Variants in ZMYM4 observed in about 807,000 individuals in gnomAD.
ZMYM4 encodes zinc finger MYM-type protein 4.
Under a neutral mutation model 183.2 loss-of-function variants are expected in ZMYM4, and 31 were observed. That is an observed-to-expected ratio of 0.17 (90% CI 0.13 to 0.23). The LOEUF (loss-of-function observed/expected upper bound fraction) is 0.23, where lower values mean the gene tolerates loss of function less well. ZMYM4 is among the 10% of genes least tolerant of loss of function. ZMYM4 has a pLI of 1.00. For missense variants in ZMYM4, 1,273 were observed against 1,840.3 expected (o/e 0.69, Z 5.64); for synonymous variants, 592 against 631.2 (o/e 0.94, Z 0.93).
chr1:35,408,283 T>C, intron 26 of ZMYM4, 124 bp downstream of exon 26: 2 of 1,230,330 alleles, frequency 1.6e-6, no homozygotes, highest in Non-Finnish European at 1.1e-6. Context: ...GGAACATTGT[T>C]TTTAACAACA....
chr1:35,330,212 C>T (rs1355956495), intron 2 of ZMYM4, among the ~76,000 whole-genome samples: 1 of 102,956 alleles, frequency 9.7e-6, no homozygotes, highest in Non-Finnish European at 1.9e-5. Flanking sequence ...GACCCTGTCT[C>T]AAAATATAAA....
At chr1:35,417,359 C>A (rs896838869) in intron 28 of ZMYM4, among the ~76,000 whole-genome samples, 6 of 152,080 alleles carry the variant, frequency 3.9e-5, no homozygotes, top group Non-Finnish European at 8.8e-5. Context: ...CCCTGACTTC[C>A]TTATATAATG....
At chr1:35,276,149 G>A (rs572998264) in intron 1 of ZMYM4, among the ~76,000 whole-genome samples, 6 of 151,848 alleles carry the variant, frequency 4.0e-5, no homozygotes, top group Non-Finnish European at 7.4e-5. Flanking sequence ...TTCCCAATAT[G>A]TCTTACAAAT....
At position 35,313,990 on chromosome 1, in the gene ZMYM4, C is replaced by T. The variant is rs1166090005; in HGVS notation, c.40-11370C>T. Among the ~76,000 whole-genome samples the T allele has an allele frequency of 2.0e-5, 3 of 152,140 alleles. No individual in the cohort carries two copies. The East Asian group carries it at 5.8e-4, about 29-fold the overall frequency. ...TCTTAGTTCCTGAAAACTCACACCTCTGCTTAACTTTAGGTATCACTAATT... is the reference window on the plus strand; with the variant it reads ...TCTTAGTTCCTGAAAACTCACACCTTTGCTTAACTTTAGGTATCACTAATT... On this transcript the variant is annotated intron_variant, in intron 1 of 29. Transcript: ENST00000314607.
Position 35,392,628 on chromosome 1 carries a change from T to C in ZMYM4, c.2729-19T>C, listed in dbSNP as rs1644730919. The C allele has an allele frequency of 1.3e-6, 2 of 1,581,344 alleles. No homozygotes were observed. Among genetic ancestry groups the C allele is most frequent in the African/African-American group, 1.4e-5 (1 of 73,264 alleles). ...AATAATTGTAAAGATCCTAAATTTA[T>C]GTTTTAATTTATATCAAGGTGCAGT... is the stretch of plus-strand genomic sequence containing the variant. On this transcript the variant is annotated intron_variant, in intron 16 of 29. Coordinates refer to ENST00000314607, the MANE Select transcript of ZMYM4 (RefSeq NM_005095.3).
chr1:35,270,805 T>A (rs1213091599), intron 1 of ZMYM4, among the ~76,000 whole-genome samples: 1 of 152,026 alleles, frequency 6.6e-6, no homozygotes, highest in African/African-American at 2.4e-5. Context: ...AAAATTGCAT[T>A]CCACTTGTTT....
At chr1:35,318,932 G>C (rs1318448193) in intron 1 of ZMYM4, among the ~76,000 whole-genome samples, 1 of 152,148 alleles carries the variant, frequency 6.6e-6, no homozygotes, top group African/African-American at 2.4e-5. Context: ...TGTTGCCCAG[G>C]GTGGAGTGCA....
chr1:35,392,495 T>A, intron 16 of ZMYM4, 143 bp downstream of exon 16: 1 of 1,295,954 alleles, frequency 7.7e-7, no homozygotes, highest in Non-Finnish European at 1.1e-6. Flanking sequence ...GTTTCATATC[T>A]CATACTTTAG....
chr1:35,408,829 C>CTTAATAATA (rs1391417819), intron 26 of ZMYM4, among the ~76,000 whole-genome samples: 2 of 152,196 alleles, frequency 1.3e-5, no homozygotes, highest in Non-Finnish European at 2.9e-5. Context: ...GTTTGCAATT[C>CTTAATAATA]AGTAGGACTA....
In ZMYM4 at chr1:35,389,769, A is replaced by AG. The variant is rs1491481450; in HGVS notation, c.2437-179_2437-178insG. ...GGCTCTGTCTCAAAAAAAAAAAAAA[A>AG]TATATATATATATGTGTGTGTGTGT... On this transcript the variant is annotated intron_variant, in intron 14 of 29. Transcript: ENST00000314607. This position sits in a 1 kb window ranked among gnomAD's most constrained non-coding sequence, Gnocchi z 4.0. Among the ~76,000 whole-genome samples, 1 of 123,122 alleles carries AG rather than the reference A, an allele frequency of 8.1e-6. No homozygotes were observed. The highest frequency in any genetic ancestry group is 1.6e-5 in the Non-Finnish European group (1 of 61,488). The allele number at this position is 123,122 out of a possible 152,430, so 80.8% of individuals were successfully genotyped here. A position where few individuals can be genotyped will look rare whatever the true frequency, so the allele number is the denominator to read the frequency against.
intron 1 of ZMYM4, among the ~76,000 whole-genome samples, chr1:35,273,579 A>G (rs1158010357): frequency 6.6e-6 from 1 of 152,200 alleles, no homozygotes; most frequent in African/African-American, 2.4e-5. Flanking sequence ...TTCATACTTA[A>G]AATTCTGTGT....
chr1:35,405,283 AC>A, intron 24 of ZMYM4, 89 bp downstream of exon 24: 2 of 1,573,248 alleles, frequency 1.3e-6, no homozygotes, highest in East Asian at 2.3e-5. Flanking sequence ...TAGGTCAAAA[AC>A]CCCATAAAAC....
At chr1:35,397,125 C>A in intron 19 of ZMYM4, 11 of 1,090,988 alleles carry the variant, frequency 1.0e-5, no homozygotes, top group Non-Finnish European at 1.2e-5. Flanking sequence ...AAACAAAATG[C>A]AAGTGTATTA....
intron 2 of ZMYM4, among the ~76,000 whole-genome samples, chr1:35,354,558 C>G (rs1037521103): frequency 3.3e-5 from 5 of 151,776 alleles, no homozygotes; most frequent in Non-Finnish European, 4.4e-5. Context: ...GAAACCTTGT[C>G]TCTACTAAAA....
chr1:35,397,614 T>C lies in ZMYM4; in HGVS notation c.3199+69T>C, dbSNP rs572490369. 25 of 1,396,168 alleles carry C rather than the reference T, an allele frequency of 1.8e-5. No homozygotes were observed. The African/African-American group carries it at 2.5e-4, about 14-fold the overall frequency. 86.5% of individuals were successfully genotyped at this position (1,396,168 alleles called of 1,614,324 possible). ...ACACATTTTCAGGTGACTCAAGTAATTTTAAGTATAAGACAGGGTGTTTCT... is the reference window on the plus strand; with the variant it reads ...ACACATTTTCAGGTGACTCAAGTAACTTTAAGTATAAGACAGGGTGTTTCT... On this transcript the variant is annotated intron_variant, in intron 20 of 29. Transcript: ENST00000314607.
At chr1:35,330,938 G>A (rs1162575182) in intron 2 of ZMYM4, among the ~76,000 whole-genome samples, 1 of 152,090 alleles carries the variant, frequency 6.6e-6, no homozygotes, top group Admixed American at 6.6e-5. Context: ...ATAGTTTTAG[G>A]TATATTAACC....
intron 8 of ZMYM4, 53 bp downstream of exon 8, chr1:35,381,486 A>G (rs531586979): frequency 4.3e-6 from 7 of 1,609,416 alleles, no homozygotes; most frequent in Non-Finnish European, 5.9e-6. Flanking sequence ...TTTGTGCTTA[A>G]AGAACAGCTT....
Position 35,419,560 on chromosome 1 carries a change from C to A in ZMYM4, c.4530C>A (p.Phe1510Leu). 1 of 1,614,112 alleles carries A rather than the reference C, an allele frequency of 6.2e-7. No homozygotes were observed. Among genetic ancestry groups the A allele is most frequent in the Non-Finnish European group, 8.5e-7 (1 of 1,180,006 alleles). The change falls in exon 30 of 30, where the codon TTC (phenylalanine) becomes TTA (leucine). Residue 1510 changes from phenylalanine (F) to leucine (L), a missense_variant. Phe to Leu is a conservative substitution (Grantham distance 22). Coordinates refer to ENST00000314607, the MANE Select transcript of ZMYM4 (RefSeq NM_005095.3). ...ATAGCCCCATGTGGTACTCCACATT[C>A]CCGATAGACCCTGGAACCCTGGACA... ...VPNSPMWYSTFPIDPGTLDTM... is the reference protein window; with the variant it reads ...VPNSPMWYSTLPIDPGTLDTM...
rs752154994 is a variant in ZMYM4, at chr1:35,370,417, G to A, written c.971G>A (p.Gly324Asp). Residue 324 changes from glycine (G) to aspartate (D), a missense_variant, in exon 7 of 30, where the codon GGC (glycine) becomes GAC (aspartate). Physicochemically the swap from Gly to Asp is moderately conservative, Grantham distance 94 (BLOSUM62 -1). This residue lies in a region of ZMYM4 where 384 missense variants were observed against 465.6 expected (regional missense o/e 0.82). Coordinates refer to ENST00000314607, the MANE Select transcript of ZMYM4 (RefSeq NM_005095.3). The part of the protein sequence containing the change: ...TGFQPSLASS[G>D]MNKMLPSVPA... The stretch of plus-strand genomic sequence containing the variant: ...TTTCAGCCCTCACTGGCGTCATCTG[G>A]CATGAATAAAATGCTTCCTTCAGTT... The A allele has an allele frequency of 3.1e-6, 5 of 1,588,632 alleles. No homozygotes were observed. The South Asian group carries it at 4.4e-5, about 14-fold the overall frequency.
Sources: gnomAD v4.1 joint callset for allele counts (sites outside exome capture counted in the v4.1 genomes callset) on GRCh38, gnomAD v4.1.1 for gene constraint, gnomAD v4.1.1 regional missense constraint, Gnocchi (gnomAD v3.1) non-coding constraint, MANE v1.5 for transcripts, NCBI Gene and HGNC (gene_info 2026-07-23, HGNC 2026-07-21) for gene names.